Variants in DNAH1 observed in about 807,000 individuals in gnomAD.
DNAH1 encodes the protein axonemal beta dynein heavy chain 1.
DNAH1 carries 327 observed loss-of-function variants against 484.3 expected under a neutral mutation model. The ratio of observed to expected loss-of-function variants is 0.68; its 90% confidence interval spans 0.62 to 0.74. The LOEUF (loss-of-function observed/expected upper bound fraction) is 0.74. Among genes scored for constraint, DNAH1 ranks in the 30% least tolerant of loss-of-function variants. The pLI is 0.00. For missense variants in DNAH1, 5,052 were observed against 5,546.8 expected, an observed-to-expected ratio of 0.91 and a Z score of 2.83; for synonymous variants, 2,192 against 2,191.9, an observed-to-expected ratio of 1.00 and a Z score of 0.00.
In DNAH1 at chr3:52,355,930, C is replaced by T. The variant is rs891256082; in HGVS notation, c.3694-684C>T. 6.6e-6 allele frequency among the ~76,000 whole-genome samples: 1 copy of T among 152,350 alleles called. No homozygotes were observed. Among genetic ancestry groups the T allele is most frequent in the South Asian group, 2.1e-4 (1 of 4,826 alleles). ...CCATGATTCAGGGGCAGAACTGGCC[C>T]CTTAGTGGGCTGTGGGCCCCTCGAG... On this transcript the variant is annotated intron_variant, in intron 21 of 77. Coordinates refer to ENST00000420323, the MANE Select transcript of DNAH1 (RefSeq NM_015512.5). The surrounding 1 kb of genome is among the most constrained non-coding windows in gnomAD (Gnocchi z 4.5).
chr3:52,370,219 T>C lies in DNAH1; in HGVS notation c.6248T>C (p.Leu2083Pro). 6.2e-7 allele frequency: 1 copy of C among 1,613,882 alleles called. No homozygotes were observed. The highest frequency in any genetic ancestry group is 8.5e-7 in the Non-Finnish European group (1 of 1,179,860). ...KLLDCFFKPF[L>P]PREGLKKIPS... ...CTGGACTGCTTCTTCAAGCCCTTTCTGCCTAGAGAGGTACAGCCCTGAGAG... is the reference window on the plus strand; with the variant it reads ...CTGGACTGCTTCTTCAAGCCCTTTCCGCCTAGAGAGGTACAGCCCTGAGAG... Residue 2083 changes from leucine (L) to proline (P), a missense_variant, in exon 39 of 78, where the codon CTG (leucine) becomes CCG (proline). Leu to Pro is a moderately conservative substitution (Grantham distance 98). Transcript: ENST00000420323.
chr3:52,369,856 T>C lies in DNAH1; in HGVS notation c.5975T>C (p.Leu1992Pro). 3 of 1,612,640 alleles carry C rather than the reference T, an allele frequency of 1.9e-6. No homozygotes were observed. The highest frequency in any genetic ancestry group is 1.3e-5 in the African/African-American group (1 of 75,038). The change falls in exon 38 of 78, where the codon CTG becomes CCG. Residue 1992 changes from leucine to proline, a missense_variant. Leu to Pro is a moderately conservative substitution (Grantham distance 98). Transcript: ENST00000420323. ...AMTMMFEVQD[L>P]AVASPATVSR... The stretch of plus-strand genomic sequence containing the variant: ...ACCATGATGTTCGAGGTGCAAGACC[T>C]GGCGGTGGCTTCACCAGCTACAGTC...
At chr3:52,391,360 G>C (rs745336992) in intron 62 of DNAH1, 32 bp downstream of exon 62, 4 of 1,597,098 alleles carry the variant, frequency 2.5e-6, no homozygotes, top group Non-Finnish European at 3.4e-6. Context: ...CAGGGTGGCA[G>C]TAGGCCTGGA....
rs1702700472 is a variant in DNAH1 at position 52,358,234 on chromosome 3, C to G, written c.4086+231C>G. On this transcript the variant is annotated intron_variant, in intron 24 of 77. Coordinates refer to ENST00000420323, the MANE Select transcript of DNAH1 (RefSeq NM_015512.5). This position sits in a 1 kb window ranked among gnomAD's most constrained non-coding sequence, Gnocchi z 4.2. ...AGGCGCTCCCTGTGCCCCCAGCACA[C>G]TGCAAAACCCATGAGGCCAGAAGCC... is the stretch of plus-strand genomic sequence containing the variant. Among the ~76,000 whole-genome samples, 1 of 152,240 alleles carries G rather than the reference C, an allele frequency of 6.6e-6. No individual in the cohort carries two copies. Among genetic ancestry groups the G allele is most frequent in the Admixed American group, 6.5e-5 (1 of 15,290 alleles).
Position 52,392,622 on chromosome 3 carries a change from AC to A in DNAH1, c.10214del (p.Pro3405LeufsTer2). 6.2e-7 allele frequency: 1 copy of A among 1,613,396 alleles called. No homozygotes were observed. Among genetic ancestry groups the A allele is most frequent in the Non-Finnish European group, 8.5e-7 (1 of 1,179,700 alleles). ...TACCGGCTCAGCTCCTCCGAGGGCA[AC>A]CCTGTAGATGACATGGAACTCATCA... is the stretch of plus-strand genomic sequence containing the variant. ...ILYRLSSSEG[N>X]PVDDMELIKV... On this transcript the variant is annotated frameshift_variant, in exon 64 of 78. Coordinates refer to ENST00000420323, the MANE Select transcript of DNAH1 (RefSeq NM_015512.5). LOFTEE classifies it high-confidence loss of function.
chr3:52,361,828 C>T lies in DNAH1; in HGVS notation c.4980+62C>T. On this transcript the variant is annotated intron_variant, in intron 30 of 77. Transcript: ENST00000420323. This position sits in a 1 kb window ranked among gnomAD's most constrained non-coding sequence, Gnocchi z 5.6. Reference sequence around the variant, plus strand: ...GCCATACTCACGCCGCCATACTGCTCCCCATTGCAGGCTGAGAAGCCAGGC... The same window carrying T: ...GCCATACTCACGCCGCCATACTGCTTCCCATTGCAGGCTGAGAAGCCAGGC... The T allele has an allele frequency of 1.3e-6, 2 of 1,507,566 alleles. No individual in the cohort carries two copies. Among genetic ancestry groups the T allele is most frequent in the South Asian group, 1.2e-5 (1 of 82,608 alleles). The allele number at this position is 1,507,566 out of a possible 1,614,324, so 93.4% of individuals were successfully genotyped here. A position where few individuals can be genotyped will look rare whatever the true frequency, so the allele number is the denominator to read the frequency against.
intron 23 of DNAH1, 79 bp downstream of exon 23, chr3:52,357,814 G>C (rs1054946484): frequency 1.9e-6 from 3 of 1,575,814 alleles, no homozygotes. Context: ...CTCAGGCTAG[G>C]GTGCGGGGAT....
chr3:52,374,545 G>T, intron 44 of DNAH1: 2 of 1,498,224 alleles, frequency 1.3e-6, no homozygotes, highest in Non-Finnish European at 1.9e-6. Flanking sequence ...CCCCTCTTCC[G>T]GCAGTTGGCC....
chr3:52,326,071 A>G, intron 3 of DNAH1, 69 bp from the exon 4 acceptor site: 4 of 1,365,690 alleles, frequency 2.9e-6, no homozygotes, highest in Non-Finnish European at 2.9e-6. Context: ...AATTTATTTT[A>G]TGGGGTGGAG....
At position 52,362,015 on chromosome 3, in the gene DNAH1, A is replaced by G. The variant is rs1040028351; in HGVS notation, c.4980+249A>G. Among the ~76,000 whole-genome samples the G allele has an allele frequency of 1.3e-5, 2 of 152,204 alleles. No individual in the cohort carries two copies. Among genetic ancestry groups the G allele is most frequent in the Non-Finnish European group, 2.9e-5 (2 of 68,024 alleles). ...CCAGGCATTGGTCCTTTCTCTAGCC[A>G]CGTGCAGGGCGGCCAGGGACCTTGT... On this transcript the variant is annotated intron_variant, in intron 30 of 77. Coordinates refer to ENST00000420323, the MANE Select transcript of DNAH1 (RefSeq NM_015512.5). This position sits in a 1 kb window ranked among gnomAD's most constrained non-coding sequence, Gnocchi z 5.1.
rs768167995 is a variant in DNAH1 at position 52,375,286 on chromosome 3, C to T, written c.7032C>T (p.Gly2344=). 5 of 1,610,678 alleles carry T rather than the reference C, an allele frequency of 3.1e-6. No homozygotes were observed. The Admixed American group carries it at 6.7e-5, about 22-fold the overall frequency. The part of the protein sequence containing the change: ...LVDINFVCAM[G]PPGGGRNTVT... ...ACATCAACTTTGTCTGTGCCATGGGCCCCCCGGGTGGAGGCAGGAACACCG... is the reference window on the plus strand; with the variant it reads ...ACATCAACTTTGTCTGTGCCATGGGTCCCCCGGGTGGAGGCAGGAACACCG... The change falls in exon 45 of 78, where the codon GGC becomes GGT. Residue 2344 remains glycine (G), a synonymous_variant. Coordinates refer to ENST00000420323, the MANE Select transcript of DNAH1 (RefSeq NM_015512.5).
intron 3 of DNAH1, 115 bp from the exon 4 acceptor site, chr3:52,326,025 A>T: frequency 9.2e-7 from 1 of 1,084,070 alleles, no homozygotes; most frequent in Non-Finnish European, 1.2e-6. Context: ...GCAAGCTTTG[A>T]GCTTCCCACA....
In DNAH1 at chr3:52,361,836, C is replaced by T; in HGVS notation, c.4980+70C>T. The stretch of plus-strand genomic sequence containing the variant: ...CACGCCGCCATACTGCTCCCCATTG[C>T]AGGCTGAGAAGCCAGGCGCTAAGGT... On this transcript the variant is annotated intron_variant, in intron 30 of 77. Transcript: ENST00000420323. This position sits in a 1 kb window ranked among gnomAD's most constrained non-coding sequence, Gnocchi z 5.6. The T allele has an allele frequency of 6.7e-7, 1 of 1,487,764 alleles. No individual in the cohort carries two copies. 92.2% of individuals were successfully genotyped at this position (1,487,764 alleles called of 1,614,324 possible).
At position 52,375,294 on chromosome 3, in the gene DNAH1, G is replaced by T. The variant is rs758036847; in HGVS notation, c.7040G>T (p.Gly2347Val). Residue 2347 changes from glycine (G) to valine (V), a missense_variant, in exon 45 of 78, where the codon GGT (glycine) becomes GTT (valine). This residue lies in a region of DNAH1 where 2,929 missense variants were observed against 3,409.4 expected (regional missense o/e 0.86). Coordinates refer to ENST00000420323, the MANE Select transcript of DNAH1 (RefSeq NM_015512.5). ...TTTGTCTGTGCCATGGGCCCCCCGG[G>T]TGGAGGCAGGAACACCGTCACCCCG... The part of the protein sequence containing the change: ...INFVCAMGPP[G>V]GGRNTVTPRL... The T allele has an allele frequency of 6.2e-7, 1 of 1,612,312 alleles. No individual in the cohort carries two copies. The highest frequency in any genetic ancestry group is 8.5e-7 in the Non-Finnish European group (1 of 1,179,272).
chr3:52,311,129 G>A, the DNAH1 span, among the ~76,000 whole-genome samples: 1 of 152,182 alleles, frequency 6.6e-6, no homozygotes. Flanking sequence ...GGAGGTGTGG[G>A]CCCCCTCACA....
chr3:52,364,280 G>A lies in DNAH1; in HGVS notation c.5245-358G>A, dbSNP rs185254230. 3.2e-4 allele frequency among the ~76,000 whole-genome samples: 49 copies of A among 152,352 alleles called. No homozygotes were observed. The highest frequency in any genetic ancestry group is 5.0e-4 in the Non-Finnish European group (34 of 68,030). On this transcript the variant is annotated intron_variant, in intron 32 of 77. Coordinates refer to ENST00000420323, the MANE Select transcript of DNAH1 (RefSeq NM_015512.5). This position sits in a 1 kb window ranked among gnomAD's most constrained non-coding sequence, Gnocchi z 4.2. ...GGAGAATGTTAGAAGGAAGCTCAAG[G>A]GCCATCAAGGCCAAGCTGATTGTTG...
intron 21 of DNAH1, among the ~76,000 whole-genome samples, chr3:52,356,327 G>A (rs1318562027): frequency 6.6e-6 from 1 of 152,184 alleles, no homozygotes; most frequent in African/African-American, 2.4e-5. Flanking sequence ...GCTGGCGTGG[G>A]TGTGTTCCTC....
intron 1 of DNAH1, among the ~76,000 whole-genome samples, chr3:52,321,015 G>GTCTCTAACTCCTGA (rs1364498698): frequency 6.6e-6 from 1 of 151,916 alleles, no homozygotes; most frequent in Non-Finnish European, 1.5e-5. Context: ...GACCAGGCTG[G>GTCTCTAACTCCTGA]TCTCTAACTC....
rs566181618 is a variant in DNAH1 at position 52,364,235 on chromosome 3, G to A, written c.5245-403G>A. On this transcript the variant is annotated intron_variant, in intron 32 of 77. Transcript: ENST00000420323. This position sits in a 1 kb window ranked among gnomAD's most constrained non-coding sequence, Gnocchi z 4.2. ...AGCATGGTGGTGTGGCCAGAAAGAC[G>A]GGTCTGGAGAGATGTTATGGGAGAA... is the stretch of plus-strand genomic sequence containing the variant. Among the ~76,000 whole-genome samples, 25 of 152,206 alleles carry A rather than the reference G, an allele frequency of 1.6e-4. No individual in the cohort carries two copies. Among genetic ancestry groups the A allele is most frequent in the Non-Finnish European group, 3.1e-4 (21 of 68,036 alleles).
Sources: gnomAD v4.1 joint callset for allele counts (sites outside exome capture counted in the v4.1 genomes callset) on GRCh38, gnomAD v4.1.1 for gene constraint, gnomAD v4.1.1 regional missense constraint, Gnocchi (gnomAD v3.1) non-coding constraint, MANE v1.5 for transcripts, NCBI Gene and HGNC (gene_info 2026-07-23, HGNC 2026-07-21) for gene names.